The following DMD variants were observed in gnomAD, a reference collection of about 807,000 sequenced individuals.
DMD encodes dystrophin.
A neutral mutation model predicts 330.1 loss-of-function variants in DMD; 63 were observed. The observed-to-expected ratio is 0.19, with a 90% CI of 0.16 to 0.24. The LOEUF (loss-of-function observed/expected upper bound fraction) is 0.24, where lower values mean the gene tolerates loss of function less well. Among genes scored for constraint, DMD ranks in the 10% least tolerant of loss-of-function variants. The pLI is 1.00. For missense variants in DMD, 3,344 were observed against 2,684.1 expected (o/e 1.25, Z -5.43); for synonymous variants, 1,223 against 959.8 (o/e 1.27, Z -5.07).
intron 47 of DMD, among the ~76,000 whole-genome samples, chrX:31,889,612 CTCTCTCTG>C (rs2094205333): frequency 1.4e-5 from 1 of 70,039 alleles, no homozygotes; most frequent in African/African-American, 5.8e-5. Flanking sequence ...AATTTAATCT[CTCTCTCTG>C]TCTCTCTCTC....
intron 33 of DMD, among the ~76,000 whole-genome samples, chrX:32,381,983 C>G (rs755945177): frequency 9.0e-6 from 1 of 110,782 alleles, no homozygotes; most frequent in African/African-American, 3.3e-5. Context: ...AATGGGATTA[C>G]TATACTTATT....
At chrX:32,187,983 T>C (rs1344450799) in intron 44 of DMD, among the ~76,000 whole-genome samples, 6 of 111,279 alleles carry the variant, frequency 5.4e-5, no homozygotes, top group Non-Finnish European at 1.1e-4. Flanking sequence ...TATAATAATA[T>C]ACCTTTCTGG....
chrX:32,463,878 A>G (rs2098392195), intron 24 of DMD, among the ~76,000 whole-genome samples: 1 of 112,139 alleles, frequency 8.9e-6, no homozygotes, highest in African/African-American at 3.2e-5. Flanking sequence ...AAAATGTGTG[A>G]AAATGATGGG....
At chrX:31,673,673 G>C (rs998996064) in intron 53 of DMD, among the ~76,000 whole-genome samples, 2 of 111,938 alleles carry the variant, frequency 1.8e-5, no homozygotes, top group African/African-American at 6.5e-5. Flanking sequence ...TTGAGGAGCA[G>C]ATTTACACAG....
At chrX:32,584,940 AT>A (rs756570711) in intron 13 of DMD, among the ~76,000 whole-genome samples, 8 of 108,871 alleles carry the variant, frequency 7.3e-5, no homozygotes, top group South Asian at 7.8e-4. Flanking sequence ...TAAAGTTTGC[AT>A]TTTTTTTTCA....
chrX:31,580,133 C>T (rs2076276008), intron 55 of DMD, among the ~76,000 whole-genome samples: 1 of 111,912 alleles, frequency 8.9e-6, no homozygotes, highest in African/African-American at 3.2e-5. Flanking sequence ...TGCTTAGCAA[C>T]CTTAATTCCG....
intron 5 of DMD, among the ~76,000 whole-genome samples, chrX:32,818,306 T>A (rs1012569616): frequency 4.5e-5 from 5 of 111,989 alleles, no homozygotes; most frequent in African/African-American, 1.6e-4. Context: ...TATAGCATCA[T>A]TATGTCACTA....
At chrX:32,892,525 C>G (rs2085313440) in intron 2 of DMD, among the ~76,000 whole-genome samples, 1 of 111,595 alleles carries the variant, frequency 9.0e-6, no homozygotes, top group African/African-American at 3.3e-5. Context: ...TCCCAAATAG[C>G]TGGGATTACA....
chrX:33,177,932 C>G (rs769834303), intron 1 of DMD, among the ~76,000 whole-genome samples: 1 of 111,728 alleles, frequency 9.0e-6, no homozygotes, highest in African/African-American at 3.3e-5. Flanking sequence ...GACTATTGGG[C>G]AAAATACGAA....
chrX:31,658,158 T>A lies in DMD; in HGVS notation c.7873-14A>T. ...TTTGGCCAACTGCTATAGATTTTTA[T>A]GAGAAAGAGAATGAATGTCAGTTTT... On this transcript the variant is annotated splice_polypyrimidine_tract_variant and intron_variant, in intron 53 of 78. Transcript: ENST00000357033. The A allele has an allele frequency of 8.3e-7, 1 of 1,210,135 alleles. No homozygotes were observed. The highest frequency in any genetic ancestry group is 1.1e-6 in the Non-Finnish European group (1 of 894,072).
At chrX:31,380,104 T>G (rs1277664452) in intron 60 of DMD, among the ~76,000 whole-genome samples, 9 of 110,999 alleles carry the variant, frequency 8.1e-5, no homozygotes, top group Non-Finnish European at 1.7e-4. Context: ...CACATTACCT[T>G]CTTTTCAAGG....
chrX:32,580,718 AT>A (rs903540597), intron 13 of DMD, among the ~76,000 whole-genome samples: 21 of 111,307 alleles, frequency 1.9e-4, no homozygotes, highest in African/African-American at 5.2e-4. Flanking sequence ...ATTAATGATA[AT>A]TTTTTTTGCA....
chrX:32,141,145 G>A (rs1030153008), intron 44 of DMD, among the ~76,000 whole-genome samples: 2 of 110,454 alleles, frequency 1.8e-5, no homozygotes, highest in African/African-American at 6.6e-5. Flanking sequence ...TAAAAATAAG[G>A]TCAGGTGCAG....
At chrX:31,754,709 T>C (rs927194028) in intron 51 of DMD, among the ~76,000 whole-genome samples, 27 of 111,962 alleles carry the variant, frequency 2.4e-4, no homozygotes, top group African/African-American at 7.1e-4. Flanking sequence ...TGGGAAAAGC[T>C]ACATATTGAT....
At chrX:31,585,936 T>C (rs1390190293) in intron 55 of DMD, among the ~76,000 whole-genome samples, 2 of 111,342 alleles carry the variant, frequency 1.8e-5, no homozygotes, top group African/African-American at 6.5e-5. Context: ...TGTTTGTTTT[T>C]GTTTGTTTGT....
chrX:31,614,454 T>C (rs762736315), intron 55 of DMD, among the ~76,000 whole-genome samples: 2 of 112,295 alleles, frequency 1.8e-5, no homozygotes, highest in East Asian at 2.8e-4. Context: ...ACTCAGATCA[T>C]TGTAAGTTAT....
chrX:32,064,525 C>T (rs1232278227), intron 44 of DMD, among the ~76,000 whole-genome samples: 2 of 111,424 alleles, frequency 1.8e-5, no homozygotes, highest in Admixed American at 9.5e-5. Flanking sequence ...AAGTAAATTA[C>T]GAAAGTATGA....
intron 57 of DMD, among the ~76,000 whole-genome samples, chrX:31,490,775 T>G (rs2069227264): frequency 8.9e-6 from 1 of 111,820 alleles, no homozygotes; most frequent in African/African-American, 3.2e-5. Context: ...CATACTAAAA[T>G]GTATCCCACG....
chrX:32,418,789 C>G (rs780819271), intron 29 of DMD, among the ~76,000 whole-genome samples: 1 of 108,246 alleles, frequency 9.2e-6, no homozygotes, highest in East Asian at 2.9e-4. Context: ...CTGGCTGACA[C>G]GGTGAAACCC....
Sources: allele counts gnomAD v4.1 joint callset (sites outside exome capture counted in the v4.1 genomes callset), GRCh38; gene constraint gnomAD v4.1.1; transcripts MANE v1.5; gene names NCBI Gene and HGNC (gene_info 2026-07-23, HGNC 2026-07-21).